Variants in SGCZ observed in about 807,000 individuals in gnomAD.
SGCZ encodes sarcoglycan zeta, also known as zeta-sarcoglycan.
Under a neutral mutation model 41.3 loss-of-function variants are expected in SGCZ, and 40 were observed. That is an observed-to-expected ratio of 0.97 (90% CI 0.75 to 1.26). SGCZ has a LOEUF of 1.26. Ranked by LOEUF, SGCZ falls within the 50% of genes most tolerant of loss-of-function variation. The probability of loss-of-function intolerance (pLI) is 0.00; values close to 1 mark genes in which losing one functional copy is unlikely to be tolerated. For missense variants in SGCZ, 552 were observed against 369.8 expected (o/e 1.49, Z -4.04); for synonymous variants, 206 against 137.5 (o/e 1.50, Z -3.49).
intron 2 of SGCZ, among the ~76,000 whole-genome samples, chr8:14,517,960 T>G (rs918241625): frequency 3.3e-5 from 5 of 151,892 alleles, no homozygotes; most frequent in African/African-American, 1.2e-4. Flanking sequence ...TTTCTATGAT[T>G]TATTTGTTGA....
intron 1 of SGCZ, among the ~76,000 whole-genome samples, chr8:14,776,065 A>G (rs1322541713): frequency 2.0e-5 from 3 of 152,224 alleles, no homozygotes; most frequent in African/African-American, 7.2e-5. Context: ...AGACATTCAA[A>G]AGTTAAAAAA....
At chr8:14,282,777 T>C (rs62500230) in intron 3 of SGCZ, among the ~76,000 whole-genome samples, 7,248 of 151,868 alleles carry the variant, frequency 0.048, 277 homozygotes, top group East Asian at 0.18. Flanking sequence ...TTAGCTCTTC[T>C]GGCTCTACAT....
chr8:14,375,652 T>C (rs900408932), intron 2 of SGCZ, among the ~76,000 whole-genome samples: 11 of 152,094 alleles, frequency 7.2e-5, no homozygotes, highest in Non-Finnish European at 1.3e-4. Context: ...ACAGAACATA[T>C]ATATGAAAGT....
At chr8:15,088,407 C>T (rs1024048237) in intron 1 of SGCZ, among the ~76,000 whole-genome samples, 3 of 152,092 alleles carry the variant, frequency 2.0e-5, no homozygotes, top group Admixed American at 6.6e-5. Context: ...AAAATATTAA[C>T]ATATTTTTCT....
At chr8:14,444,207 G>A (rs1269611158) in intron 2 of SGCZ, among the ~76,000 whole-genome samples, 5 of 152,138 alleles carry the variant, frequency 3.3e-5, no homozygotes, top group Admixed American at 6.6e-5. Flanking sequence ...CTTTTACACT[G>A]TTGGTGGGAC....
intron 1 of SGCZ, among the ~76,000 whole-genome samples, chr8:15,179,417 CATA>C (rs1381614556): frequency 6.6e-6 from 1 of 152,106 alleles, no homozygotes; most frequent in Non-Finnish European, 1.5e-5. Context: ...ACAGTTTTGA[CATA>C]AAACTACGTA....
chr8:14,224,669 T>A (rs1038940641), intron 4 of SGCZ, among the ~76,000 whole-genome samples: 1 of 152,168 alleles, frequency 6.6e-6, no homozygotes, highest in Non-Finnish European at 1.5e-5. Flanking sequence ...ACAGAAAAGC[T>A]TTTATTGTGT....
At chr8:14,326,455 T>G (rs28547219) in intron 2 of SGCZ, among the ~76,000 whole-genome samples, 2 of 152,126 alleles carry the variant, frequency 1.3e-5, no homozygotes, top group African/African-American at 2.4e-5. Context: ...CTTTAAATTT[T>G]TTAAAAAGCC....
intron 1 of SGCZ, among the ~76,000 whole-genome samples, chr8:15,055,961 C>T (rs902863902): frequency 6.6e-6 from 1 of 152,184 alleles, no homozygotes; most frequent in Non-Finnish European, 1.5e-5. Context: ...TAATAGCAAA[C>T]TTCAGTGAAA....
intron 5 of SGCZ, among the ~76,000 whole-genome samples, chr8:14,121,477 A>T (rs1177557741): frequency 3.3e-5 from 5 of 152,142 alleles, no homozygotes; most frequent in Non-Finnish European, 5.9e-5. Context: ...AATTGTTTTT[A>T]AAAAATATGT....
At chr8:14,938,642 T>A (rs1218818362) in intron 1 of SGCZ, among the ~76,000 whole-genome samples, 1 of 152,074 alleles carries the variant, frequency 6.6e-6, no homozygotes, top group Non-Finnish European at 1.5e-5. Flanking sequence ...AAGTTAAAAG[T>A]TCTATGTCCA....
At chr8:14,707,875 T>A (rs1433190040) in intron 1 of SGCZ, among the ~76,000 whole-genome samples, 1 of 152,128 alleles carries the variant, frequency 6.6e-6, no homozygotes, top group Non-Finnish European at 1.5e-5. Context: ...ATTTAAAATA[T>A]ATTAACAATA....
At chr8:14,294,579 T>G (rs890869494) in intron 3 of SGCZ, among the ~76,000 whole-genome samples, 6 of 152,032 alleles carry the variant, frequency 3.9e-5, no homozygotes, top group African/African-American at 1.4e-4. Flanking sequence ...ACTTTAAGAT[T>G]GTTAGGGATG....
chr8:14,904,708 T>A (rs74675074), intron 1 of SGCZ, among the ~76,000 whole-genome samples: 1 of 152,008 alleles, frequency 6.6e-6, no homozygotes, highest in African/African-American at 2.4e-5. Context: ...GAAAATATTC[T>A]CTATCTATAT....
chr8:14,124,647 T>C (rs1802798486), intron 5 of SGCZ, among the ~76,000 whole-genome samples: 1 of 152,222 alleles, frequency 6.6e-6, no homozygotes, highest in Non-Finnish European at 1.5e-5. Flanking sequence ...GTTTCCAATT[T>C]ACATAGCTAC....
intron 5 of SGCZ, among the ~76,000 whole-genome samples, chr8:14,125,922 C>T (rs940426398): frequency 3.3e-5 from 5 of 152,182 alleles, no homozygotes; most frequent in African/African-American, 1.2e-4. Context: ...ACTGGCGTGC[C>T]ATATGCAGAA....
chr8:14,307,915 C>G (rs151293223), intron 3 of SGCZ, among the ~76,000 whole-genome samples: 53 of 152,158 alleles, frequency 3.5e-4, no homozygotes, highest in African/African-American at 1.3e-3. Flanking sequence ...AAGTTTAACT[C>G]TCCAATTCCT....
intron 7 of SGCZ, among the ~76,000 whole-genome samples, chr8:14,096,314 G>A (rs992856442): frequency 1.3e-5 from 2 of 152,118 alleles, no homozygotes; most frequent in African/African-American, 4.8e-5. Context: ...TAGCATGAAG[G>A]GGTGTTGAAT....
At chr8:14,201,436 T>A (rs142299959) in intron 4 of SGCZ, among the ~76,000 whole-genome samples, 1 of 152,110 alleles carries the variant, frequency 6.6e-6, no homozygotes, top group East Asian at 1.9e-4. Flanking sequence ...AACAGAATAC[T>A]CCTTAGTAAT....
Sources: gnomAD v4.1 joint callset for allele counts (sites outside exome capture counted in the v4.1 genomes callset) on GRCh38, gnomAD v4.1.1 for gene constraint, MANE v1.5 for transcripts, NCBI Gene and HGNC (gene_info 2026-07-23, HGNC 2026-07-21) for gene names.